The following ACSS3 variants were observed in gnomAD, a reference collection of about 807,000 sequenced individuals.
ACSS3 encodes acyl-CoA synthetase short-chain family member 3, mitochondrial.
ACSS3 carries 64 observed loss-of-function variants against 84.2 expected under a neutral mutation model. The ratio of observed to expected loss-of-function variants is 0.76; its 90% CI spans 0.62 to 0.94. ACSS3 has a LOEUF of 0.94. Ranked by LOEUF, ACSS3 falls within the 40% of genes least tolerant of loss-of-function variation. ACSS3 has a pLI of 0.00. For missense variants in ACSS3, 815 were observed against 867.6 expected (o/e 0.94, Z 0.76); for synonymous variants, 317 against 310.1 (o/e 1.02, Z -0.23).
chr12:81,130,490 T>C (rs1885417291), intron 2 of ACSS3, among the ~76,000 whole-genome samples: 1 of 152,236 alleles, frequency 6.6e-6, no homozygotes, highest in Non-Finnish European at 1.5e-5. Flanking sequence ...TTTTTTCTTG[T>C]AAATTTGTTT....
At chr12:81,092,405 T>C (rs576947662) in intron 1 of ACSS3, among the ~76,000 whole-genome samples, 1 of 152,294 alleles carries the variant, frequency 6.6e-6, no homozygotes, top group Admixed American at 6.5e-5. Flanking sequence ...ATGGATTATC[T>C]AGTTATTATT....
chr12:81,098,802 C>G (rs1882275408), intron 1 of ACSS3, among the ~76,000 whole-genome samples: 1 of 152,204 alleles, frequency 6.6e-6, no homozygotes, highest in African/African-American at 2.4e-5. Context: ...TCACATCCAT[C>G]AGCTCCTTAC....
At chr12:81,138,643 A>G (rs1309010457) in intron 3 of ACSS3, among the ~76,000 whole-genome samples, 2 of 152,192 alleles carry the variant, frequency 1.3e-5, no homozygotes, top group Non-Finnish European at 2.9e-5. Flanking sequence ...GTGAACATGA[A>G]TATATATTTA....
At chr12:81,195,465 A>G (rs1593183650) in intron 8 of ACSS3, among the ~76,000 whole-genome samples, 1 of 152,210 alleles carries the variant, frequency 6.6e-6, no homozygotes, top group South Asian at 2.1e-4. Flanking sequence ...ATTCTGCTAT[A>G]ACAGTTCCCT....
intron 7 of ACSS3, among the ~76,000 whole-genome samples, chr12:81,167,153 C>G (rs189374195): frequency 6.6e-6 from 1 of 152,300 alleles, no homozygotes; most frequent in Admixed American, 6.5e-5. Context: ...AGTTTCCATT[C>G]TCTGCTTCAT....
chr12:81,148,846 G>C (rs1010284833), intron 5 of ACSS3, among the ~76,000 whole-genome samples: 1 of 148,200 alleles, frequency 6.7e-6, no homozygotes, highest in South Asian at 2.1e-4. Flanking sequence ...CAGATCACGA[G>C]GTCTGGAGAT....
intron 1 of ACSS3, among the ~76,000 whole-genome samples, chr12:81,092,638 C>T (rs1046602661): frequency 6.6e-6 from 1 of 151,932 alleles, no homozygotes; most frequent in East Asian, 1.9e-4. Flanking sequence ...TGAAAACAAG[C>T]AGGAAGGCAA....
At chr12:81,227,233 A>G (rs1267722547) in intron 11 of ACSS3, among the ~76,000 whole-genome samples, 2 of 151,780 alleles carry the variant, frequency 1.3e-5, no homozygotes. Flanking sequence ...ATTATGGAGG[A>G]TAATCTGATT....
At chr12:81,130,500 T>G (rs184387720) in intron 2 of ACSS3, among the ~76,000 whole-genome samples, 1 of 152,228 alleles carries the variant, frequency 6.6e-6, no homozygotes, top group Non-Finnish European at 1.5e-5. Flanking sequence ...TAAATTTGTT[T>G]AAGTTCTTTG....
chr12:81,151,365 G>T (rs552816769), intron 5 of ACSS3, among the ~76,000 whole-genome samples: 1 of 152,240 alleles, frequency 6.6e-6, no homozygotes, highest in African/African-American at 2.4e-5. Flanking sequence ...GCGTTGTAAT[G>T]AGATTCCAGT....
chr12:81,167,434 A>T (rs149944878), intron 7 of ACSS3, among the ~76,000 whole-genome samples: 10 of 152,272 alleles, frequency 6.6e-5, no homozygotes, highest in Admixed American at 5.2e-4. Context: ...ACAGAAATTT[A>T]TTTCTGAAAT....
chr12:81,121,171 T>G (rs2121537486), intron 2 of ACSS3, among the ~76,000 whole-genome samples: 2 of 152,338 alleles, frequency 1.3e-5, no homozygotes, highest in Middle Eastern at 6.8e-3. Context: ...TGAGATGTAT[T>G]GATCAAAGAA....
chr12:81,253,397 T>A lies in ACSS3; in HGVS notation c.1810T>A (p.Leu604Met), dbSNP rs1262814889. ...KGHVPLALCV[L>M]RKDINATEEQ... ...TCATGTCCCCTTAGCACTCTGTGTATTGAGAAAAGGTGAGAGATCTTTTTC... is the reference window on the plus strand; with the variant it reads ...TCATGTCCCCTTAGCACTCTGTGTAATGAGAAAAGGTGAGAGATCTTTTTC... Residue 604 changes from leucine (L) to methionine (M), a missense_variant, in exon 14 of 16, where the codon TTG becomes ATG. By Grantham distance (15) the Leu-to-Met change is conservative. Coordinates refer to ENST00000548058, the MANE Select transcript of ACSS3 (RefSeq NM_024560.4). The A allele has an allele frequency of 1.2e-6, 2 of 1,613,954 alleles. No individual in the cohort carries two copies. Among genetic ancestry groups the A allele is most frequent in the Non-Finnish European group, 1.7e-6 (2 of 1,179,866 alleles).
chr12:81,157,627 T>G (rs1348191983), intron 7 of ACSS3, among the ~76,000 whole-genome samples: 2 of 152,088 alleles, frequency 1.3e-5, no homozygotes, highest in East Asian at 1.9e-4. Context: ...ACCAATATGG[T>G]GAAACCCCAT....
chr12:81,226,580 A>C (rs2135960349), intron 11 of ACSS3, among the ~76,000 whole-genome samples: 1 of 151,934 alleles, frequency 6.6e-6, no homozygotes, highest in South Asian at 2.1e-4. Flanking sequence ...TAACTAAACA[A>C]ATTATTTGTC....
At chr12:81,245,122 C>T (rs559589261) in intron 13 of ACSS3, among the ~76,000 whole-genome samples, 7 of 152,206 alleles carry the variant, frequency 4.6e-5, no homozygotes, top group African/African-American at 1.7e-4. Flanking sequence ...AACATGTATC[C>T]TTGGACTGTG....
chr12:81,112,259 C>T lies in ACSS3; in HGVS notation c.456+2555C>T, dbSNP rs540889929. ...GCAAATTCTTATTGGTATACAAATACGTAAATTTACTTACATATTGTAAAA... is the reference window on the plus strand; with the variant it reads ...GCAAATTCTTATTGGTATACAAATATGTAAATTTACTTACATATTGTAAAA... On this transcript the variant is annotated intron_variant, in intron 2 of 15. Transcript: ENST00000548058. 1.4e-3 allele frequency among the ~76,000 whole-genome samples: 206 copies of T among 152,228 alleles called. 1 individual carries two copies. The highest frequency in any genetic ancestry group is 6.8e-3 in the Middle Eastern group (2 of 294).
intron 11 of ACSS3, among the ~76,000 whole-genome samples, chr12:81,226,752 T>C (rs2033287546): frequency 6.6e-6 from 1 of 151,928 alleles, no homozygotes; most frequent in South Asian, 2.1e-4. Context: ...GAGTCAGCTT[T>C]GATTTTTCTC....
chr12:81,099,061 T>C (rs1882295524), intron 1 of ACSS3, among the ~76,000 whole-genome samples: 1 of 152,188 alleles, frequency 6.6e-6, no homozygotes, highest in African/African-American at 2.4e-5. Flanking sequence ...GAAAAATTAT[T>C]ATAGTTAATA....
Sources: gnomAD v4.1 joint callset for allele counts (sites outside exome capture counted in the v4.1 genomes callset) on GRCh38, gnomAD v4.1.1 for gene constraint, MANE v1.5 for transcripts, NCBI Gene and HGNC (gene_info 2026-07-23, HGNC 2026-07-21) for gene names.